Variants in TSPAN11 observed in about 807,000 individuals in gnomAD.
The protein encoded by TSPAN11 is tetraspanin-11.
A neutral mutation model predicts 32.9 loss-of-function variants in TSPAN11; 29 were observed. The ratio of observed to expected loss-of-function variants is 0.88; its 90% confidence interval spans 0.66 to 1.20. The LOEUF (loss-of-function observed/expected upper bound fraction) is 1.20, where lower values mean the gene tolerates loss of function less well. Among genes scored for constraint, TSPAN11 ranks in the 50% most tolerant of loss-of-function variants. The pLI is 0.00. For synonymous variants in TSPAN11, 140 were observed against 141.3 expected, an observed-to-expected ratio of 0.99 and a Z score of 0.07; for missense variants, 283 against 329.1, an observed-to-expected ratio of 0.86 and a Z score of 1.08.
the TSPAN11 span, among the ~76,000 whole-genome samples, chr12:31,003,671 T>C: frequency 1.1e-4 from 16 of 152,146 alleles, no homozygotes; most frequent in Non-Finnish European, 1.5e-4. Flanking sequence ...TGAGCACTTG[T>C]TTGGTGAGCA....
At chr12:30,966,523 C>G (rs1159837303) in intron 3 of TSPAN11, among the ~76,000 whole-genome samples, 1 of 152,240 alleles carries the variant, frequency 6.6e-6, no homozygotes, top group African/African-American at 2.4e-5. Flanking sequence ...CATATTCACC[C>G]CCATTTTCCA....
intron 7 of TSPAN11, among the ~76,000 whole-genome samples, chr12:30,985,941 T>C (rs1939193151): frequency 6.6e-6 from 1 of 152,282 alleles, no homozygotes; most frequent in Admixed American, 6.5e-5. Context: ...TCTCAACCTC[T>C]TGCCCAGTTT....
chr12:31,010,363 C>T, the TSPAN11 span, among the ~76,000 whole-genome samples: 1 of 152,206 alleles, frequency 6.6e-6, no homozygotes, highest in Non-Finnish European at 1.5e-5. Context: ...ATCACAACTA[C>T]TAATTATACT....
rs369466765 is a variant in TSPAN11 at position 30,975,932 on chromosome 12, G to A, written c.277-2629G>A. ...AGGTCCTGTGCAGCAGGAGGGATCC[G>A]GCCTCAGCACCGTAGCTGAGGATGG... is the stretch of plus-strand genomic sequence containing the variant. On this transcript the variant is annotated intron_variant, in intron 3 of 7. Transcript: ENST00000546076. This position sits in a 1 kb window ranked among gnomAD's most constrained non-coding sequence, Gnocchi z 4.5. Among the ~76,000 whole-genome samples the A allele has an allele frequency of 6.6e-6, 1 of 152,202 alleles. No individual in the cohort carries two copies. Among genetic ancestry groups the A allele is most frequent in the Non-Finnish European group, 1.5e-5 (1 of 68,042 alleles).
intron 3 of TSPAN11, among the ~76,000 whole-genome samples, chr12:30,965,109 A>G (rs1287424049): frequency 2.0e-5 from 3 of 152,260 alleles, no homozygotes; most frequent in African/African-American, 7.2e-5. Context: ...GTGACTGAAT[A>G]AAACCAGGCA....
chr12:30,965,444 T>C (rs1938710807), intron 3 of TSPAN11, among the ~76,000 whole-genome samples: 1 of 149,952 alleles, frequency 6.7e-6, no homozygotes, highest in Admixed American at 6.6e-5. Flanking sequence ...CAAGAAAGAA[T>C]ACAGAAGCCC....
intron 1 of TSPAN11, among the ~76,000 whole-genome samples, chr12:30,929,780 C>A (rs1937879837): frequency 6.6e-6 from 1 of 152,202 alleles, no homozygotes. Flanking sequence ...TTTACAGCAG[C>A]CATGTTTCCT....
chr12:30,954,859 G>T (rs1273140668), intron 2 of TSPAN11: 1 of 152,206 alleles, frequency 6.6e-6, no homozygotes, highest in East Asian at 1.9e-4. Flanking sequence ...AGCCTGTTGG[G>T]GTTGCATTCA....
At chr12:30,959,732 A>T (rs2140289531) in intron 2 of TSPAN11, among the ~76,000 whole-genome samples, 1 of 149,902 alleles carries the variant, frequency 6.7e-6, no homozygotes, top group East Asian at 2.0e-4. Flanking sequence ...GTGAGCCGAG[A>T]TCACGCCACT....
At chr12:30,952,923 T>G (rs1325284748) in intron 1 of TSPAN11, among the ~76,000 whole-genome samples, 3 of 152,178 alleles carry the variant, frequency 2.0e-5, no homozygotes, top group Admixed American at 6.5e-5. Flanking sequence ...AGTGTGGGTG[T>G]GCAGGTGCCC....
chr12:30,959,675 G>A (rs1402925232), intron 2 of TSPAN11, among the ~76,000 whole-genome samples: 1 of 151,696 alleles, frequency 6.6e-6, no homozygotes, highest in Non-Finnish European at 1.5e-5. Flanking sequence ...AGCTACTCAG[G>A]AGACTGAGGC....
intron 3 of TSPAN11, among the ~76,000 whole-genome samples, chr12:30,969,989 G>A (rs1938815928): frequency 6.6e-6 from 1 of 152,144 alleles, no homozygotes; most frequent in South Asian, 2.1e-4. Context: ...CTGTTCCCTG[G>A]AGCCTGGTGT....
chr12:30,928,390 G>A (rs1042065972), intron 1 of TSPAN11, among the ~76,000 whole-genome samples: 2 of 152,172 alleles, frequency 1.3e-5, no homozygotes, highest in African/African-American at 4.8e-5. Flanking sequence ...TCACAGGCCT[G>A]GGGTGTCCAC....
intron 1 of TSPAN11, among the ~76,000 whole-genome samples, chr12:30,949,698 CT>C (rs1287804404): frequency 3.3e-5 from 5 of 152,262 alleles, no homozygotes; most frequent in African/African-American, 1.2e-4. Context: ...TTTCCCAGGC[CT>C]CCTAGCTGCT....
chr12:30,964,060 A>AGAGCACAGGG, intron 3 of TSPAN11, 43 bp downstream of exon 3: 1 of 1,587,118 alleles, frequency 6.3e-7, no homozygotes, highest in Non-Finnish European at 8.6e-7. Flanking sequence ...GGAGCCCTGC[A>AGAGCACAGGG]CCACCCAGTC....
chr12:30,992,008 G>A lies in TSPAN11; in HGVS notation c.*93G>A. 7.1e-7 allele frequency: 1 copy of A among 1,404,676 alleles called. No individual in the cohort carries two copies. The allele number at this position is 1,404,676 out of a possible 1,614,324, so 87.0% of individuals were successfully genotyped here. ...TGCAGAGTTAGCACCAGCTCCACTA[G>A]GGCCATAGATGCCCCCTCCTTTGTG... On this transcript the variant is annotated 3_prime_UTR_variant, in exon 8 of 8. Transcript: ENST00000546076.
intron 1 of TSPAN11, among the ~76,000 whole-genome samples, chr12:30,939,494 G>A (rs1938116291): frequency 6.6e-6 from 1 of 152,148 alleles, no homozygotes; most frequent in Admixed American, 6.5e-5. Context: ...CCTCAGATCT[G>A]GCATTTGTTT....
At chr12:30,982,877 C>G (rs867673526) in intron 6 of TSPAN11, among the ~76,000 whole-genome samples, 187 bp downstream of exon 6, 1 of 152,178 alleles carries the variant, frequency 6.6e-6, no homozygotes, top group African/African-American at 2.4e-5. Context: ...CAGCTCATAC[C>G]GGAGAGTATA....
intron 1 of TSPAN11, among the ~76,000 whole-genome samples, chr12:30,928,322 CA>C (rs1321232619): frequency 1.3e-5 from 2 of 152,166 alleles, no homozygotes; most frequent in Non-Finnish European, 2.9e-5. Flanking sequence ...CAGTAAGGAG[CA>C]CCCTTCACAG....
Sources: allele counts gnomAD v4.1 joint callset (sites outside exome capture counted in the v4.1 genomes callset), GRCh38; gene constraint gnomAD v4.1.1; non-coding constraint Gnocchi (gnomAD v3.1); transcripts MANE v1.5; gene names NCBI Gene and HGNC (gene_info 2026-07-23, HGNC 2026-07-21).